CTNND2: variants seen among roughly 807,000 people sequenced by gnomAD.
CTNND2 encodes the protein catenin delta-2.
A neutral mutation model predicts 144.4 loss-of-function variants in CTNND2; 22 were observed. That is an observed-to-expected ratio of 0.15 (90% CI 0.11 to 0.22). The LOEUF (loss-of-function observed/expected upper bound fraction) is 0.22. CTNND2 is among the 10% of genes least tolerant of loss of function. The probability of loss-of-function intolerance (pLI) is 1.00; values close to 1 mark genes in which losing one functional copy is unlikely to be tolerated. For missense variants in CTNND2, 1,353 were observed against 1,618.8 expected (o/e 0.84, Z 2.82); for synonymous variants, 751 against 695.6 (o/e 1.08, Z -1.25).
chr5:11,374,830 T>G (rs1006211400), intron 7 of CTNND2, among the ~76,000 whole-genome samples: 4 of 137,872 alleles, frequency 2.9e-5, no homozygotes, highest in Admixed American at 1.6e-4. Context: ...AAAGCAGACC[T>G]GTGGGCTGAA....
intron 9 of CTNND2, among the ~76,000 whole-genome samples, chr5:11,271,015 T>C (rs900647774): frequency 2.0e-5 from 3 of 152,214 alleles, no homozygotes; most frequent in Non-Finnish European, 2.9e-5. Context: ...TTTAGTTCTA[T>C]TTTAAAAAAT....
At chr5:11,632,688 A>C (rs1188033034) in intron 2 of CTNND2, among the ~76,000 whole-genome samples, 1 of 152,320 alleles carries the variant, frequency 6.6e-6, no homozygotes, top group East Asian at 1.9e-4. Flanking sequence ...AAGATTTCAA[A>C]GCAGCTATTT....
At chr5:11,138,569 C>T (rs1756386880) in intron 12 of CTNND2, among the ~76,000 whole-genome samples, 1 of 152,198 alleles carries the variant, frequency 6.6e-6, no homozygotes, top group Non-Finnish European at 1.5e-5. Context: ...CCTGTGGTTA[C>T]CTGTGTCTCT....
intron 9 of CTNND2, among the ~76,000 whole-genome samples, chr5:11,299,613 C>A (rs756124724): frequency 2.0e-5 from 3 of 152,190 alleles, no homozygotes; most frequent in Non-Finnish European, 4.4e-5. Flanking sequence ...CATCTACTAG[C>A]AGGATCTGTG....
intron 10 of CTNND2, among the ~76,000 whole-genome samples, chr5:11,235,332 C>A (rs1046939423): frequency 5.3e-5 from 8 of 152,162 alleles, no homozygotes; most frequent in African/African-American, 1.4e-4. Context: ...ATCCCCCAGT[C>A]AGAAATCTGT....
At chr5:11,497,194 G>T (rs1450847303) in intron 3 of CTNND2, among the ~76,000 whole-genome samples, 2 of 151,282 alleles carry the variant, frequency 1.3e-5, no homozygotes, top group African/African-American at 4.9e-5. Context: ...TTCCTCCAGG[G>T]TTCTAATCAT....
chr5:11,385,032 G>A lies in CTNND2; in HGVS notation c.810C>T (p.Ala270=), dbSNP rs1758913499. 6.7e-6 allele frequency: 8 copies of A among 1,200,810 alleles called. No homozygotes were observed. Among genetic ancestry groups the A allele is most frequent in the Non-Finnish European group, 8.2e-6 (8 of 972,816 alleles). The allele number at this position is 1,200,810 out of a possible 1,614,324, so 74.4% of individuals were successfully genotyped here. A position where few individuals can be genotyped will look rare whatever the true frequency, so the allele number is the denominator to read the frequency against. Residue 270 remains alanine (A), a synonymous_variant, in exon 7 of 22, where the codon GCC becomes GCT. Transcript: ENST00000304623. ...PAPPRGGSPL[A]APQGGSPTKL... ...TGGTGGGCGAACCGCCCTGGGGCGC[G>A]GCCAGCGGGGAGCCCCCGCGCGGCG...
chr5:11,262,726 C>A (rs1242172919), intron 9 of CTNND2, among the ~76,000 whole-genome samples: 2 of 122,122 alleles, frequency 1.6e-5, no homozygotes, highest in African/African-American at 3.1e-5. Flanking sequence ...CGCACCACTG[C>A]ACTCCAGCCT....
intron 8 of CTNND2, among the ~76,000 whole-genome samples, chr5:11,351,218 T>G (rs1179826337): frequency 6.6e-6 from 1 of 152,198 alleles, no homozygotes; most frequent in Non-Finnish European, 1.5e-5. Flanking sequence ...TCATTCTCCT[T>G]GTAGGATTAC....
At chr5:11,874,765 A>ACAGT (rs1735426729) in intron 1 of CTNND2, among the ~76,000 whole-genome samples, 1 of 152,242 alleles carries the variant, frequency 6.6e-6, no homozygotes, top group African/African-American at 2.4e-5. Flanking sequence ...TTGACTGTGG[A>ACAGT]TAACTGAAAC....
At chr5:11,122,017 C>T (rs529922694) in intron 12 of CTNND2, among the ~76,000 whole-genome samples, 1 of 152,152 alleles carries the variant, frequency 6.6e-6, no homozygotes, top group African/African-American at 2.4e-5. Flanking sequence ...CATGTTTATA[C>T]CTAGCATTCA....
intron 2 of CTNND2, among the ~76,000 whole-genome samples, chr5:11,592,873 T>C (rs1431216214): frequency 6.8e-6 from 1 of 147,416 alleles, no homozygotes; most frequent in Non-Finnish European, 1.5e-5. Context: ...ACTAGAAAAC[T>C]GCAGTCATAA....
At chr5:11,047,554 C>T (rs999343062) in intron 16 of CTNND2, among the ~76,000 whole-genome samples, 1 of 152,130 alleles carries the variant, frequency 6.6e-6, no homozygotes, top group African/African-American at 2.4e-5. Flanking sequence ...TACATGCATA[C>T]ATATGTGCCG....
chr5:11,042,383 T>TA (rs1744766936), intron 16 of CTNND2, among the ~76,000 whole-genome samples: 1 of 152,266 alleles, frequency 6.6e-6, no homozygotes, highest in Non-Finnish European at 1.5e-5. Flanking sequence ...GTCTTGTTCT[T>TA]ATGTTATACA....
Position 11,384,684 on chromosome 5 carries a change from C to G in CTNND2, c.1158G>C (p.Gln386His), listed in dbSNP as rs1173393659. The change falls in exon 7 of 22, where the codon CAG becomes CAC. Residue 386 changes from glutamine (Q) to histidine (H), a missense_variant. Around this residue, in one of 4 missense-constraint regions of CTNND2, gnomAD observed 708 missense variants for 706.4 expected, o/e 1.00. Coordinates refer to ENST00000304623, the MANE Select transcript of CTNND2 (RefSeq NM_001332.4). The surrounding 1 kb of genome is among the most constrained non-coding windows in gnomAD (Gnocchi z 5.2). ...CTTTACCTGCCAGGCTGCCCGGCCT[C>G]TGGAGGGTGGCCGTGGCATACAGCT... ...SQELYATATL[Q>H]RPGSLAAGSR... 1 of 1,605,776 alleles carries G rather than the reference C, an allele frequency of 6.2e-7. No homozygotes were observed. The highest frequency in any genetic ancestry group is 8.5e-7 in the Non-Finnish European group (1 of 1,178,726).
intron 3 of CTNND2, among the ~76,000 whole-genome samples, chr5:11,418,242 A>T (rs947890138): frequency 6.6e-6 from 1 of 152,036 alleles, no homozygotes; most frequent in African/African-American, 2.4e-5. Flanking sequence ...CCCCATCTCT[A>T]CTAAAAATAC....
chr5:11,772,164 TTTAATCTTAA>T (rs1789985153), intron 1 of CTNND2, among the ~76,000 whole-genome samples: 1 of 152,246 alleles, frequency 6.6e-6, no homozygotes, highest in East Asian at 1.9e-4. Flanking sequence ...AATTAGAAGT[TTTAATCTTAA>T]TTAATCTTAA....
chr5:11,028,725 T>C (rs1216319896), intron 16 of CTNND2, among the ~76,000 whole-genome samples: 1 of 152,212 alleles, frequency 6.6e-6, no homozygotes, highest in Non-Finnish European at 1.5e-5. Flanking sequence ...TTTCTTTTTT[T>C]CCAAGCAGGG....
chr5:11,528,533 A>G (rs1284681839), intron 3 of CTNND2, among the ~76,000 whole-genome samples: 1 of 152,210 alleles, frequency 6.6e-6, no homozygotes, highest in East Asian at 1.9e-4. Context: ...CCTTGAACAG[A>G]GTGGGAAACA....
Sources: gnomAD v4.1 joint callset for allele counts (sites outside exome capture counted in the v4.1 genomes callset) on GRCh38, gnomAD v4.1.1 for gene constraint, gnomAD v4.1.1 regional missense constraint, Gnocchi (gnomAD v3.1) non-coding constraint, MANE v1.5 for transcripts, NCBI Gene and HGNC (gene_info 2026-07-23, HGNC 2026-07-21) for gene names.